The following EPS15 variants were observed in gnomAD, a reference collection of about 807,000 sequenced individuals.
EPS15 encodes epidermal growth factor receptor substrate 15.
A neutral mutation model predicts 113.8 loss-of-function variants in EPS15; 72 were observed. That is an observed-to-expected ratio of 0.63 (90% CI 0.52 to 0.77). The LOEUF is 0.77. Among genes scored for constraint, EPS15 ranks in the 30% least tolerant of loss-of-function variants. EPS15 has a pLI of 0.00. For synonymous variants in EPS15, 344 were observed against 363.4 expected, an observed-to-expected ratio of 0.95 and a Z score of 0.61; for missense variants, 1,048 against 1,045.8, an observed-to-expected ratio of 1.00 and a Z score of -0.03.
At position 51,355,760 on chromosome 1, in the gene EPS15, TTC is replaced by T. The variant is rs1646204937; in HGVS notation, c.*938_*939del. 1 of 191,202 alleles carries T rather than the reference TTC, an allele frequency of 5.2e-6. No individual in the cohort carries two copies. The highest frequency in any genetic ancestry group is 2.4e-5 in the African/African-American group (1 of 42,402). 11.8% of individuals were successfully genotyped at this position (191,202 alleles called of 1,614,324 possible). A position where few individuals can be genotyped will look rare whatever the true frequency, so the allele number is the denominator to read the frequency against. On this transcript the variant is annotated 3_prime_UTR_variant, in exon 25 of 25. Transcript: ENST00000371733. ...TATGAAAAATTAAAGTACCTTCCAG[TTC>T]TAGCTTGCTGAAGTTTCTTCTGCAA...
In EPS15 at chr1:51,409,678, G is replaced by T. The variant is rs1649513351; in HGVS notation, c.1132C>A (p.Gln378Lys). 6.2e-7 allele frequency: 1 copy of T among 1,608,282 alleles called. No homozygotes were observed. Among genetic ancestry groups the T allele is most frequent in the South Asian group, 1.1e-5 (1 of 89,702 alleles). Residue 378 changes from glutamine to lysine, a missense_variant, in exon 14 of 25, where the codon CAA (glutamine) becomes AAA (lysine). Transcript: ENST00000371733. ...TTTTGCAGATTAGTATTCTCCCTTT[G>T]AACTTCATCTTGAAGATCCTAAAAT... is the stretch of plus-strand genomic sequence containing the variant. The part of the protein sequence containing the change: ...SEVQDLQDEV[Q>K]RENTNLQKLQ...
chr1:51,400,261 T>C (rs1264250889), intron 19 of EPS15, among the ~76,000 whole-genome samples: 1 of 152,234 alleles, frequency 6.6e-6, no homozygotes, highest in Non-Finnish European at 1.5e-5. Context: ...GTGTGGGCTA[T>C]AATCTTAGGA....
chr1:51,427,896 C>T (rs1651363178), intron 12 of EPS15, among the ~76,000 whole-genome samples: 1 of 152,124 alleles, frequency 6.6e-6, no homozygotes, highest in Non-Finnish European at 1.5e-5. Context: ...GCTCAATGAA[C>T]TCCAAGTAGG....
intron 21 of EPS15, among the ~76,000 whole-genome samples, chr1:51,371,176 A>C (rs1646640482): frequency 6.6e-6 from 1 of 152,086 alleles, no homozygotes; most frequent in South Asian, 2.1e-4. Context: ...TGGCCTCTCA[A>C]AGTGCTGGGA....
At chr1:51,475,306 A>G (rs976499330) in intron 2 of EPS15, among the ~76,000 whole-genome samples, 2 of 152,140 alleles carry the variant, frequency 1.3e-5, no homozygotes, top group African/African-American at 4.8e-5. Flanking sequence ...CAACAGTGTA[A>G]AAGTGTTCCT....
At chr1:51,501,603 T>C (rs1010893338) in intron 1 of EPS15, among the ~76,000 whole-genome samples, 27 of 151,504 alleles carry the variant, frequency 1.8e-4, no homozygotes, top group Admixed American at 3.9e-4. Flanking sequence ...CTCAGCCTCA[T>C]GAGTAGCTGG....
At chr1:51,431,029 A>ACAC (rs1557462703) in intron 12 of EPS15, among the ~76,000 whole-genome samples, 30 of 107,564 alleles carry the variant, frequency 2.8e-4, no homozygotes, top group African/African-American at 5.4e-4. Context: ...CACACACACA[A>ACAC]AAATAAAACT....
rs556818483 is a variant in EPS15 at position 51,381,750 on chromosome 1, A to T, written c.2119+12631T>A. Among the ~76,000 whole-genome samples the T allele has an allele frequency of 3.3e-5, 5 of 152,314 alleles. 1 individual carries two copies. In the South Asian group the frequency reaches 1.0e-3, roughly 32 times the overall value. On this transcript the variant is annotated intron_variant, in intron 21 of 24. Coordinates refer to ENST00000371733, the MANE Select transcript of EPS15 (RefSeq NM_001981.3). Reference sequence around the variant, plus strand: ...GAAAAATCACAAAGAAAATTAGAAAATATCTTGAAACAAATGAAAATGGAA... The same window carrying T: ...GAAAAATCACAAAGAAAATTAGAAATTATCTTGAAACAAATGAAAATGGAA...
chr1:51,474,567 T>C (rs1220675483), intron 2 of EPS15, among the ~76,000 whole-genome samples: 2 of 152,334 alleles, frequency 1.3e-5, no homozygotes, highest in Admixed American at 6.5e-5. Context: ...CTTGGAATAC[T>C]GTTGGTATTA....
intron 21 of EPS15, among the ~76,000 whole-genome samples, chr1:51,378,733 G>C (rs576825444): frequency 6.6e-6 from 1 of 152,094 alleles, no homozygotes; most frequent in Non-Finnish European, 1.5e-5. Flanking sequence ...TTAAAAATAC[G>C]TAACTAAAAT....
Position 51,446,988 on chromosome 1 carries a change from A to G in EPS15, c.769T>C (p.Leu257=). ...ATATGGGCTAGTAAGGTAGAAGGTA[A>G]ACCTGTTTTCAAGAATATTTCACGG... The part of the protein sequence containing the change: ...EVREIFLKTG[L]PSTLLAHIWS... Residue 257 remains leucine, a synonymous_variant, in exon 10 of 25, where the codon TTA becomes CTA. Coordinates refer to ENST00000371733, the MANE Select transcript of EPS15 (RefSeq NM_001981.3). 1 of 1,613,396 alleles carries G rather than the reference A, an allele frequency of 6.2e-7. No individual in the cohort carries two copies. Among genetic ancestry groups the G allele is most frequent in the South Asian group, 1.1e-5 (1 of 91,034 alleles).
intron 22 of EPS15, among the ~76,000 whole-genome samples, chr1:51,365,310 T>G (rs1347645982): frequency 6.6e-6 from 1 of 152,200 alleles, no homozygotes; most frequent in Non-Finnish European, 1.5e-5. Context: ...CTGTATTAAA[T>G]AGCATCCCTC....
At chr1:51,448,018 T>A in intron 9 of EPS15, 28 bp downstream of exon 9, 1 of 1,607,126 alleles carries the variant, frequency 6.2e-7, no homozygotes, top group Non-Finnish European at 8.5e-7. Flanking sequence ...GAAGAGGGGA[T>A]CAACCGCACA....
chr1:51,459,929 A>C (rs1654303782), intron 8 of EPS15, among the ~76,000 whole-genome samples: 1 of 152,144 alleles, frequency 6.6e-6, no homozygotes, highest in Non-Finnish European at 1.5e-5. Context: ...CATAATACTC[A>C]TCTCCGAGAA....
At chr1:51,356,870 C>A in intron 24 of EPS15, 24 bp from the exon 25 acceptor site, 1 of 1,590,538 alleles carries the variant, frequency 6.3e-7, no homozygotes, top group Non-Finnish European at 8.6e-7. Context: ...GATCGATGAA[C>A]AAACGAATAA....
intron 21 of EPS15, among the ~76,000 whole-genome samples, chr1:51,379,395 C>G (rs1326466438): frequency 4.6e-5 from 7 of 152,042 alleles, no homozygotes; most frequent in African/African-American, 1.4e-4. Context: ...GTTGGGATTA[C>G]AGGTATGAGC....
chr1:51,474,836 C>T (rs1236811879), intron 2 of EPS15, among the ~76,000 whole-genome samples: 2 of 140,728 alleles, frequency 1.4e-5, no homozygotes, highest in Non-Finnish European at 3.1e-5. Flanking sequence ...CCCCCCTCCC[C>T]CCAACCCACA....
At chr1:51,359,750 CA>C (rs761756104) in intron 24 of EPS15, among the ~76,000 whole-genome samples, 1,978 of 124,842 alleles carry the variant, frequency 0.016, 23 homozygotes, top group African/African-American at 0.041. Context: ...AAACTCATCT[CA>C]AAAAAAAAAA....
chr1:51,473,390 T>C (rs2148513511), intron 2 of EPS15, among the ~76,000 whole-genome samples: 1 of 152,350 alleles, frequency 6.6e-6, no homozygotes, highest in East Asian at 1.9e-4. Flanking sequence ...TTCACTTTTA[T>C]ACCTACTCTT....
Sources: allele counts gnomAD v4.1 joint callset (sites outside exome capture counted in the v4.1 genomes callset), GRCh38; gene constraint gnomAD v4.1.1; transcripts MANE v1.5; gene names NCBI Gene and HGNC (gene_info 2026-07-23, HGNC 2026-07-21).